Variants in PTPRD observed in about 807,000 individuals in gnomAD.
PTPRD encodes the protein receptor-type tyrosine-protein phosphatase delta.
Under a neutral mutation model 214.5 loss-of-function variants are expected in PTPRD, and 34 were observed. The observed-to-expected ratio is 0.16, with a 90% CI of 0.12 to 0.21. The LOEUF is 0.21. Among genes scored for constraint, PTPRD ranks in the 10% least tolerant of loss-of-function variants. The pLI, the probability that PTPRD is intolerant of heterozygous loss-of-function variation, is 1.00. For synonymous variants in PTPRD, 1,128 were observed against 845.7 expected, an observed-to-expected ratio of 1.33 and a Z score of -5.79; for missense variants, 2,545 against 2,398.7, an observed-to-expected ratio of 1.06 and a Z score of -1.27.
chr9:10,160,893 C>T (rs1592766031), intron 3 of PTPRD, among the ~76,000 whole-genome samples: 1 of 151,772 alleles, frequency 6.6e-6, no homozygotes, highest in Non-Finnish European at 1.5e-5. Flanking sequence ...GAATCAACAT[C>T]CAAAAATCAG....
intron 3 of PTPRD, among the ~76,000 whole-genome samples, chr9:10,247,463 T>G (rs2092285049): frequency 6.6e-6 from 1 of 152,122 alleles, no homozygotes; most frequent in African/African-American, 2.4e-5. Context: ...TTTAAACATG[T>G]TTTAGTGGGG....
At chr9:10,597,760 T>TA (rs1169226150) in intron 2 of PTPRD, among the ~76,000 whole-genome samples, 1 of 151,796 alleles carries the variant, frequency 6.6e-6, no homozygotes, top group Non-Finnish European at 1.5e-5. Flanking sequence ...TTGAAATTAT[T>TA]AAAGTATTTA....
At chr9:9,346,946 G>T (rs1233784763) in intron 9 of PTPRD, among the ~76,000 whole-genome samples, 1 of 151,998 alleles carries the variant, frequency 6.6e-6, no homozygotes, top group Non-Finnish European at 1.5e-5. Flanking sequence ...GCCCACCTCG[G>T]CCTTCTAAAG....
chr9:10,398,009 A>T (rs2098203684), intron 2 of PTPRD, among the ~76,000 whole-genome samples: 1 of 151,782 alleles, frequency 6.6e-6, no homozygotes, highest in Admixed American at 6.6e-5. Context: ...TGCATCATCC[A>T]TTGTTCTACC....
chr9:10,044,407 A>ATGTT (rs1491165059), intron 3 of PTPRD, among the ~76,000 whole-genome samples: 9 of 151,756 alleles, frequency 5.9e-5, no homozygotes, highest in African/African-American at 2.2e-4. Flanking sequence ...CCAGGATAAT[A>ATGTT]TGTTTTCAGA....
At chr9:9,020,208 A>T (rs761894666) in intron 10 of PTPRD, among the ~76,000 whole-genome samples, 17 of 152,204 alleles carry the variant, frequency 1.1e-4, no homozygotes, top group Non-Finnish European at 2.2e-4. Flanking sequence ...TATGATAATT[A>T]TACCTTAATA....
intron 12 of PTPRD, among the ~76,000 whole-genome samples, chr9:8,655,303 T>C (rs1159319460): frequency 3.9e-5 from 6 of 152,204 alleles, no homozygotes; most frequent in South Asian, 2.1e-4. Context: ...TGGGGAAATG[T>C]GTTTTATAAT....
At chr9:10,095,484 T>A (rs145707164) in intron 3 of PTPRD, among the ~76,000 whole-genome samples, 1 of 151,596 alleles carries the variant, frequency 6.6e-6, no homozygotes, top group Non-Finnish European at 1.5e-5. Flanking sequence ...ATGAATGCAG[T>A]CTTATCCCTT....
Position 8,484,158 on chromosome 9 carries a change from G to C in PTPRD, c.3374C>G (p.Thr1125Ser), listed in dbSNP as rs1168823331. The C allele has an allele frequency of 6.2e-7, 1 of 1,614,010 alleles. No individual in the cohort carries two copies. The highest frequency in any genetic ancestry group is 8.5e-7 in the Non-Finnish European group (1 of 1,180,026). The change falls in exon 30 of 46, where the codon ACT becomes AGT. Residue 1125 changes from threonine to serine, a missense_variant. Transcript: ENST00000381196. ...TGCAGGTACTTCAGGCAGTTGCACA[G>C]TAATCATGCCATCCAAGTTGGTCTT... ...IGKTNLDGMI[T>S]VQLPEVPANE...
rs2134939864 is a variant in PTPRD at position 8,471,027 on chromosome 9, A to T, written c.3472T>A (p.Trp1158Arg). Residue 1158 changes from tryptophan to arginine, a missense_variant, in exon 31 of 46, where the codon TGG becomes AGG. Transcript: ENST00000381196. ...KKSRGKFIKPWESPDEMELDE... is the reference protein window; with the variant it reads ...KKSRGKFIKPRESPDEMELDE... The stretch of plus-strand genomic sequence containing the variant: ...AATTCCATTTCATCTGGACTCTCCC[A>T]TGGCTTGATAAATTTCCCGCGAGAT... 6.2e-7 allele frequency: 1 copy of T among 1,613,442 alleles called. No homozygotes were observed. The highest frequency in any genetic ancestry group is 8.5e-7 in the Non-Finnish European group (1 of 1,179,486).
intron 3 of PTPRD, among the ~76,000 whole-genome samples, chr9:10,101,571 A>G (rs562885632): frequency 1.3e-5 from 2 of 151,730 alleles, no homozygotes; most frequent in South Asian, 4.2e-4. Context: ...TAGAAGGATC[A>G]CCTTCAATGA....
chr9:8,435,828 A>G (rs77629513), intron 35 of PTPRD, among the ~76,000 whole-genome samples: 7 of 152,174 alleles, frequency 4.6e-5, no homozygotes, highest in Non-Finnish European at 1.0e-4. Flanking sequence ...CATTCAGCGC[A>G]CCATTCCTTC....
chr9:9,734,574 G>C lies in PTPRD; in HGVS notation c.-325-3C>G, dbSNP rs1158764588. 6.6e-6 allele frequency: 1 copy of C among 152,036 alleles called. No individual in the cohort carries two copies. The highest frequency in any genetic ancestry group is 1.5e-5 in the Non-Finnish European group (1 of 67,964). The allele number at this position is 152,036 out of a possible 1,614,324, so 9.4% of individuals were successfully genotyped here. ...CCAGAAGATCAAGGAGTCCAAGCCT[G>C]ATAAAAAGCAAAACAGAGGAAAGAC... On this transcript the variant is annotated splice_region_variant and splice_polypyrimidine_tract_variant and intron_variant, in intron 6 of 45. Transcript: ENST00000381196.
At chr9:9,204,321 A>G (rs111742846) in intron 9 of PTPRD, among the ~76,000 whole-genome samples, 4 of 152,306 alleles carry the variant, frequency 2.6e-5, no homozygotes, top group Non-Finnish European at 4.4e-5. Context: ...GTCTCTTTAT[A>G]TAAAGTTACT....
chr9:8,854,209 T>G (rs1443178824), intron 11 of PTPRD, among the ~76,000 whole-genome samples: 1 of 152,164 alleles, frequency 6.6e-6, no homozygotes, highest in African/African-American at 2.4e-5. Flanking sequence ...ATTTTAAGTG[T>G]AAACCTAAGT....
chr9:9,970,438 A>AAAAAAG (rs1041043624), intron 4 of PTPRD, among the ~76,000 whole-genome samples: 163 of 140,368 alleles, frequency 1.2e-3, no homozygotes, highest in East Asian at 0.011. Context: ...TCAAAAAAAA[A>AAAAAAG]AAAAAGAAAA....
chr9:10,534,234 T>C (rs962598410), intron 2 of PTPRD, among the ~76,000 whole-genome samples: 1 of 151,980 alleles, frequency 6.6e-6, no homozygotes, highest in Non-Finnish European at 1.5e-5. Context: ...TCTAAAAAGA[T>C]GTTAAAATTA....
chr9:8,881,626 T>C (rs971243125), intron 11 of PTPRD, among the ~76,000 whole-genome samples: 1 of 152,196 alleles, frequency 6.6e-6, no homozygotes, highest in Non-Finnish European at 1.5e-5. Context: ...TCTAAAAGTG[T>C]GGAAGCATAG....
chr9:10,497,346 T>A (rs2042367357), intron 2 of PTPRD, among the ~76,000 whole-genome samples: 1 of 151,998 alleles, frequency 6.6e-6, no homozygotes, highest in African/African-American at 2.4e-5. Flanking sequence ...TTTTATCACG[T>A]GACATATACA....
Sources: allele counts gnomAD v4.1 joint callset (sites outside exome capture counted in the v4.1 genomes callset), GRCh38; gene constraint gnomAD v4.1.1; transcripts MANE v1.5; gene names NCBI Gene and HGNC (gene_info 2026-07-23, HGNC 2026-07-21).